NPHP4: variants seen among roughly 807,000 people sequenced by gnomAD.
NPHP4 encodes nephrocystin 4.
In NPHP4, 151 loss-of-function variants were observed where a neutral mutation model predicts 155.8. That is an observed-to-expected ratio of 0.97 (90% CI 0.85 to 1.11). The LOEUF (loss-of-function observed/expected upper bound fraction) is 1.11. Ranked by LOEUF, NPHP4 falls within the 50% of genes least tolerant of loss-of-function variation. The pLI is 0.00. For missense variants in NPHP4, 1,956 were observed against 1,925.7 expected (o/e 1.02, Z -0.29); for synonymous variants, 845 against 816.8 (o/e 1.03, Z -0.59).
intron 20 of NPHP4, 29 bp from the exon 21 acceptor site, chr1:5,875,129 G>C (rs781523484): frequency 1.3e-6 from 2 of 1,534,572 alleles, no homozygotes; most frequent in African/African-American, 2.7e-5. Flanking sequence ...GGGTGGACAG[G>C]GTCCCAGGCA....
intron 18 of NPHP4, among the ~76,000 whole-genome samples, chr1:5,884,157 A>G (rs528631671): frequency 1.3e-5 from 2 of 152,290 alleles, no homozygotes; most frequent in South Asian, 2.1e-4. Flanking sequence ...ACCTTCCATG[A>G]AACAGGTTAC....
chr1:5,944,450 G>A lies in NPHP4; in HGVS notation c.1119+2654C>T, dbSNP rs866553512. ...CTCTACCACAGCCACCGTCACAGAC[G>A]GCCCCGCCATTGTGCCTTTCTCCTC... On this transcript the variant is annotated intron_variant, in intron 9 of 29. Coordinates refer to ENST00000378156, the MANE Select transcript of NPHP4 (RefSeq NM_015102.5). This position sits in a 1 kb window ranked among gnomAD's most constrained non-coding sequence, Gnocchi z 4.3. Among the ~76,000 whole-genome samples, 52 of 152,298 alleles carry A rather than the reference G, an allele frequency of 3.4e-4. No individual in the cohort carries two copies. Among genetic ancestry groups the A allele is most frequent in the African/African-American group, 1.2e-3 (48 of 41,578 alleles).
chr1:5,942,607 T>C (rs1429952345), intron 9 of NPHP4, among the ~76,000 whole-genome samples: 1 of 103,684 alleles, frequency 9.6e-6, no homozygotes, highest in Admixed American at 1.0e-4. Context: ...AAAAAAAAGC[T>C]GAGGAACTGT....
At position 5,863,380 on chromosome 1, in the gene NPHP4, ATGGTGTAGGTCTCTCCACCCCCGACC is replaced by A; in HGVS notation, c.4141-1_4165del. On this transcript the variant is annotated splice_acceptor_variant and coding_sequence_variant, in exon 30 of 30. Transcript: ENST00000378156. LOFTEE classifies it high-confidence loss of function. ...CTGACTAGGCGCAAACTGCAAGCCG[ATGGTGTAGGTCTCTCCACCCCCGACC>A]TGGAAATAAGCATCCAAATCCCAGC... The A allele has an allele frequency of 6.2e-7, 1 of 1,614,008 alleles. No individual in the cohort carries two copies.
At chr1:5,954,275 A>G (rs1044463350) in intron 6 of NPHP4, among the ~76,000 whole-genome samples, 1 of 152,202 alleles carries the variant, frequency 6.6e-6, no homozygotes, top group African/African-American at 2.4e-5. Context: ...CTGAATAAGA[A>G]CAAAAAAAAT....
intron 9 of NPHP4, among the ~76,000 whole-genome samples, chr1:5,941,693 C>G (rs925020904): frequency 3.0e-4 from 46 of 152,218 alleles, no homozygotes; most frequent in African/African-American, 1.1e-3. Context: ...ACGAAGGATG[C>G]CATAGGACAC....
In NPHP4 at chr1:5,909,206, T is replaced by C. The variant is rs1258268830; in HGVS notation, c.1449A>G (p.Pro483=). Residue 483 remains proline (P), a synonymous_variant, in exon 12 of 30, where the codon CCA becomes CCG. Coordinates refer to ENST00000378156, the MANE Select transcript of NPHP4 (RefSeq NM_015102.5). ...CAGCGAGAACTCGAGGTACTGGCGC[T>C]GGCGGGCCTGGGAGGAAGCACAGTG... is the stretch of plus-strand genomic sequence containing the variant. ...RKPPTSPSSP[P]APVPRVLAAP... 6.2e-7 allele frequency: 1 copy of C among 1,602,760 alleles called. No homozygotes were observed. Among genetic ancestry groups the C allele is most frequent in the Admixed American group, 1.7e-5 (1 of 58,466 alleles).
chr1:5,911,980 C>T (rs557506785), intron 11 of NPHP4, among the ~76,000 whole-genome samples: 1 of 152,352 alleles, frequency 6.6e-6, no homozygotes, highest in South Asian at 2.1e-4. Context: ...GGCTGACAAG[C>T]ACCTGGGCCA....
intron 6 of NPHP4, 132 bp downstream of exon 6, chr1:5,961,662 A>G: frequency 1.3e-6 from 1 of 767,076 alleles, no homozygotes; most frequent in South Asian, 1.6e-5. Flanking sequence ...AACCCCCGCC[A>G]GGCCGTGCTG....
chr1:5,900,440 G>C (rs1002711831), intron 16 of NPHP4, among the ~76,000 whole-genome samples: 3 of 152,186 alleles, frequency 2.0e-5, no homozygotes, highest in East Asian at 3.8e-4. Context: ...CAGTGCTGGG[G>C]GGAAGAAACC....
chr1:5,967,417 G>T, intron 4 of NPHP4, 54 bp from the exon 5 acceptor site: 1 of 1,423,354 alleles, frequency 7.0e-7, no homozygotes. Context: ...CTTCTCAGAA[G>T]GAAAGCACAT....
At chr1:5,902,029 C>T (rs955773760) in intron 16 of NPHP4, among the ~76,000 whole-genome samples, 1 of 152,232 alleles carries the variant, frequency 6.6e-6, no homozygotes, top group Non-Finnish European at 1.5e-5. Flanking sequence ...AAACCAAACC[C>T]TGGAAATGCT....
rs1275274635 is a variant in NPHP4 at position 5,907,237 on chromosome 1, A to G, written c.1504-15T>C. 1.3e-6 allele frequency: 2 copies of G among 1,522,044 alleles called. No homozygotes were observed. Among genetic ancestry groups the G allele is most frequent in the East Asian group, 2.4e-5 (1 of 41,524 alleles). 94.3% of individuals were successfully genotyped at this position (1,522,044 alleles called of 1,614,324 possible). A position where few individuals can be genotyped will look rare whatever the true frequency, so the allele number is the denominator to read the frequency against. The stretch of plus-strand genomic sequence containing the variant: ...GAAATTGACAACTGGAAGGAAAGAG[A>G]GCACAGGTGAGGGGCTCAGAAGCTT... On this transcript the variant is annotated splice_polypyrimidine_tract_variant and intron_variant, in intron 12 of 29. Transcript: ENST00000378156.
chr1:5,959,618 G>C (rs1649929745), intron 6 of NPHP4, among the ~76,000 whole-genome samples: 1 of 152,178 alleles, frequency 6.6e-6, no homozygotes, highest in Admixed American at 6.5e-5. Context: ...CCGGCTCCAA[G>C]ACTCCCAGGT....
intron 26 of NPHP4, 163 bp from the exon 27 acceptor site, chr1:5,865,436 GC>G: frequency 1.7e-6 from 1 of 595,062 alleles, no homozygotes; most frequent in Non-Finnish European, 2.8e-6. Context: ...CGCAGGGAAA[GC>G]CCCGGAGGAC....
chr1:5,977,842 G>A (rs1462471839), intron 3 of NPHP4, among the ~76,000 whole-genome samples: 1 of 5,028 alleles, frequency 2.0e-4, no homozygotes, highest in African/African-American at 8.9e-4. Context: ...ATACAGGAGG[G>A]AGGGAAGAAA....
At chr1:5,907,672 G>A (rs1644977750) in intron 12 of NPHP4, among the ~76,000 whole-genome samples, 1 of 149,372 alleles carries the variant, frequency 6.7e-6, no homozygotes, top group Non-Finnish European at 1.5e-5. Flanking sequence ...GGAGACAGCT[G>A]TGGATAGAGT....
intron 2 of NPHP4, among the ~76,000 whole-genome samples, chr1:5,985,527 G>A (rs1043222708): frequency 2.0e-5 from 3 of 152,374 alleles, no homozygotes; most frequent in South Asian, 2.1e-4. Flanking sequence ...GGCTGAAAGC[G>A]GGCCATGCTG....
chr1:5,910,639 G>A lies in NPHP4; in HGVS notation c.1442-1426C>T, dbSNP rs898064985. On this transcript the variant is annotated intron_variant, in intron 11 of 29. Transcript: ENST00000378156. The surrounding 1 kb of genome is among the most constrained non-coding windows in gnomAD (Gnocchi z 5.4). ...ACGCTGGGCACTCTGGATAGAGACT[G>A]CTCAGCCACTTCGTGTTCCGCTCTG... Among the ~76,000 whole-genome samples, 7 of 152,308 alleles carry A rather than the reference G, an allele frequency of 4.6e-5. No homozygotes were observed. Among genetic ancestry groups the A allele is most frequent in the African/African-American group, 1.7e-4 (7 of 41,564 alleles).
Sources: allele counts gnomAD v4.1 joint callset (sites outside exome capture counted in the v4.1 genomes callset), GRCh38; gene constraint gnomAD v4.1.1; non-coding constraint Gnocchi (gnomAD v3.1); transcripts MANE v1.5; gene names NCBI Gene and HGNC (gene_info 2026-07-23, HGNC 2026-07-21).